SUGCT: variants seen among roughly 807,000 people sequenced by gnomAD.
SUGCT encodes succinyl-CoA:glutarate-CoA transferase, also known as succinyl-CoA:glutarate CoA-transferase.
A neutral mutation model predicts 55.0 loss-of-function variants in SUGCT; 41 were observed. The ratio of observed to expected loss-of-function variants is 0.74; its 90% CI spans 0.58 to 0.97. SUGCT has a LOEUF of 0.97. Among genes scored for constraint, SUGCT ranks in the 50% least tolerant of loss-of-function variants. SUGCT has a pLI of 0.00. For missense variants in SUGCT, 568 were observed against 547.8 expected (o/e 1.04, Z -0.37); for synonymous variants, 187 against 200.4 (o/e 0.93, Z 0.56).
intron 12 of SUGCT, among the ~76,000 whole-genome samples, chr7:40,736,444 A>G (rs1237334158): frequency 6.6e-6 from 1 of 151,676 alleles, no homozygotes; most frequent in Non-Finnish European, 1.5e-5. Context: ...TTTTGAAGAC[A>G]TAATTTTTCA....
chr7:40,543,291 T>C (rs1794805170), intron 12 of SUGCT, among the ~76,000 whole-genome samples: 1 of 152,232 alleles, frequency 6.6e-6, no homozygotes, highest in South Asian at 2.1e-4. Flanking sequence ...CTTTATTTAG[T>C]TCAAAAACAG....
intron 12 of SUGCT, among the ~76,000 whole-genome samples, chr7:40,589,173 T>G (rs1427295786): frequency 1.3e-5 from 2 of 152,154 alleles, no homozygotes; most frequent in Non-Finnish European, 2.9e-5. Context: ...TGTGTGCTTG[T>G]GTGTGTATCC....
intron 11 of SUGCT, among the ~76,000 whole-genome samples, chr7:40,471,535 G>C (rs1790402965): frequency 6.6e-6 from 1 of 151,936 alleles, no homozygotes; most frequent in African/African-American, 2.4e-5. Context: ...AGATGTGTAT[G>C]GGGCTTACAT....
intron 9 of SUGCT, among the ~76,000 whole-genome samples, chr7:40,362,041 C>A (rs1212013722): frequency 6.6e-6 from 1 of 151,870 alleles, no homozygotes; most frequent in Non-Finnish European, 1.5e-5. Flanking sequence ...CTGTAATACA[C>A]GTAGGCTGCC....
At chr7:40,415,061 AATCT>A (rs58954731) in intron 9 of SUGCT, among the ~76,000 whole-genome samples, 2,035 of 63,462 alleles carry the variant, frequency 0.032, 117 homozygotes, top group African/African-American at 0.097. Flanking sequence ...AAAAAAAAAA[AATCT>A]ATCTATCTAT....
intron 8 of SUGCT, among the ~76,000 whole-genome samples, chr7:40,280,271 A>AT (rs1361307110): frequency 1.3e-5 from 2 of 152,076 alleles, no homozygotes; most frequent in Non-Finnish European, 2.9e-5. Context: ...AATTCTTTTG[A>AT]TTTTTTTGTC....
chr7:41,025,329 C>T, the SUGCT span, among the ~76,000 whole-genome samples: 15,702 of 151,610 alleles, frequency 0.1, 1,721 homozygotes, highest in African/African-American at 0.27. Flanking sequence ...TTCAGTATGT[C>T]TGAAATATAA....
intron 11 of SUGCT, among the ~76,000 whole-genome samples, chr7:40,493,763 A>T (rs978364127): frequency 2.6e-5 from 4 of 151,922 alleles, no homozygotes; most frequent in Non-Finnish European, 4.4e-5. Flanking sequence ...AGCTTTTTAA[A>T]TTTTTTTTAG....
intron 9 of SUGCT, among the ~76,000 whole-genome samples, chr7:40,420,557 T>A (rs1270777661): frequency 6.6e-6 from 1 of 152,118 alleles, no homozygotes; most frequent in Non-Finnish European, 1.5e-5. Context: ...CAGGCTGGCC[T>A]CAAACTCCTG....
intron 9 of SUGCT, among the ~76,000 whole-genome samples, chr7:40,345,457 TTTTA>T (rs1797261812): frequency 2.6e-5 from 4 of 152,336 alleles, no homozygotes; most frequent in South Asian, 2.1e-4. Context: ...TGAAAAATGC[TTTTA>T]TTTCTTTCAA....
At chr7:40,814,334 C>G (rs867349689) in intron 13 of SUGCT, among the ~76,000 whole-genome samples, 1 of 152,054 alleles carries the variant, frequency 6.6e-6, no homozygotes, top group Non-Finnish European at 1.5e-5. Context: ...CTCAGGAATG[C>G]CAATCATTTG....
chr7:40,684,257 A>C, intron 12 of SUGCT: 2 of 1,352,872 alleles, frequency 1.5e-6, no homozygotes, highest in Non-Finnish European at 1.9e-6. Flanking sequence ...TTTACATCAC[A>C]GGTTTCAGGG....
chr7:40,918,878 T>A, the SUGCT span, among the ~76,000 whole-genome samples: 3 of 152,236 alleles, frequency 2.0e-5, no homozygotes, highest in Non-Finnish European at 4.4e-5. Flanking sequence ...CACTGTTTTA[T>A]ACAAATATGC....
intron 7 of SUGCT, among the ~76,000 whole-genome samples, chr7:40,247,517 C>T (rs1050241310): frequency 1.3e-5 from 2 of 152,076 alleles, no homozygotes; most frequent in African/African-American, 2.4e-5. Context: ...CTGGACCTCC[C>T]GAAGTCCTGG....
intron 9 of SUGCT, among the ~76,000 whole-genome samples, chr7:40,375,410 CTTTGGATGA>C (rs1357911718): frequency 2.0e-5 from 3 of 152,096 alleles, no homozygotes; most frequent in African/African-American, 4.8e-5. Flanking sequence ...ACCTTTGAGT[CTTTGGATGA>C]TTTGGAGGAG....
intron 12 of SUGCT, among the ~76,000 whole-genome samples, chr7:40,711,320 G>A (rs57655172): frequency 0.084 from 12,816 of 152,108 alleles, 803 homozygotes; most frequent in East Asian, 0.26. Context: ...GACCTGCCTG[G>A]CCAATATGGT....
chr7:40,965,309 G>A, the SUGCT span: 1 of 152,174 alleles, frequency 6.6e-6, no homozygotes, highest in African/African-American at 2.4e-5. Flanking sequence ...GGGGCTAAGA[G>A]CCAAATTTAA....
chr7:40,315,417 A>G (rs1221895940), intron 8 of SUGCT, among the ~76,000 whole-genome samples: 2 of 152,264 alleles, frequency 1.3e-5, no homozygotes, highest in African/African-American at 4.8e-5. Context: ...GCCCAAGACC[A>G]GATGGAAGTC....
At chr7:40,798,210 TC>T (rs1217167833) in intron 13 of SUGCT, among the ~76,000 whole-genome samples, 8 of 152,228 alleles carry the variant, frequency 5.3e-5, no homozygotes, top group Admixed American at 3.9e-4. Context: ...CCAGTGATCT[TC>T]TTGACTGTAG....
Sources: allele counts gnomAD v4.1 joint callset (sites outside exome capture counted in the v4.1 genomes callset), GRCh38; gene constraint gnomAD v4.1.1; transcripts MANE v1.5; gene names NCBI Gene and HGNC (gene_info 2026-07-23, HGNC 2026-07-21).